Variants in DPYD observed in about 807,000 individuals in gnomAD.
The protein encoded by DPYD is dihydropyrimidine dehydrogenase [NADP(+)].
Under a neutral mutation model 116.2 loss-of-function variants are expected in DPYD, and 109 were observed. The observed-to-expected ratio is 0.94, with a 90% CI of 0.80 to 1.10. DPYD has a LOEUF of 1.10. Ranked by LOEUF, DPYD falls within the 50% of genes least tolerant of loss-of-function variation. The pLI, the probability that DPYD is intolerant of heterozygous loss-of-function variation, is 0.00. For synonymous variants in DPYD, 440 were observed against 432.0 expected, an observed-to-expected ratio of 1.02 and a Z score of -0.23; for missense variants, 1,302 against 1,254.5, an observed-to-expected ratio of 1.04 and a Z score of -0.57.
intron 8 of DPYD, among the ~76,000 whole-genome samples, chr1:97,636,238 CAAGTAATAATATCA>C (rs1188894972): frequency 4.6e-5 from 7 of 152,062 alleles, no homozygotes; most frequent in Non-Finnish European, 8.8e-5. Context: ...GTCAATCATC[CAAGTAATAATATCA>C]AAGTAATAAT....
At chr1:97,158,664 A>G (rs764883929) in intron 20 of DPYD, among the ~76,000 whole-genome samples, 22 of 152,150 alleles carry the variant, frequency 1.4e-4, no homozygotes, top group Middle Eastern at 3.4e-3. Flanking sequence ...GTTAAAATTC[A>G]GAGAGAAATT....
At chr1:97,484,209 T>G (rs941150470) in intron 13 of DPYD, among the ~76,000 whole-genome samples, 3 of 151,960 alleles carry the variant, frequency 2.0e-5, no homozygotes, top group African/African-American at 7.2e-5. Flanking sequence ...GGAGGCTAAG[T>G]AGGAGAATCG....
intron 8 of DPYD, among the ~76,000 whole-genome samples, chr1:97,667,353 T>C (rs1459298898): frequency 1.3e-5 from 2 of 152,134 alleles, no homozygotes; most frequent in Admixed American, 1.3e-4. Flanking sequence ...GTGAATGCCA[T>C]TTAATTTTTA....
At chr1:97,708,865 T>C (rs1311128605) in intron 5 of DPYD, among the ~76,000 whole-genome samples, 2 of 151,968 alleles carry the variant, frequency 1.3e-5, no homozygotes, top group Non-Finnish European at 2.9e-5. Context: ...TCATTAGATT[T>C]ATATCTAAGT....
intron 10 of DPYD, among the ~76,000 whole-genome samples, chr1:97,583,044 T>C (rs2485436): frequency 0.9 from 137,397 of 152,146 alleles, 63,220 homozygotes; most frequent in Non-Finnish European, 0.99. Flanking sequence ...TCTCCACTCA[T>C]TGCGAGCTCT....
intron 9 of DPYD, 73 bp from the exon 10 acceptor site, chr1:97,593,460 T>A: frequency 6.4e-7 from 1 of 1,564,238 alleles, no homozygotes; most frequent in Non-Finnish European, 8.8e-7. Flanking sequence ...AAGATACTTG[T>A]ACTCAAAGCA....
intron 6 of DPYD, among the ~76,000 whole-genome samples, chr1:97,693,438 TA>T (rs1488459935): frequency 1.3e-5 from 2 of 151,382 alleles, no homozygotes; most frequent in Non-Finnish European, 2.9e-5. Context: ...AGGGCAGGGA[TA>T]AAAATCTCTT....
At chr1:97,165,194 A>C (rs1656232685) in intron 20 of DPYD, among the ~76,000 whole-genome samples, 1 of 152,174 alleles carries the variant, frequency 6.6e-6, no homozygotes, top group African/African-American at 2.4e-5. Context: ...CAGGGGCTAC[A>C]GTAACCAAAA....
intron 5 of DPYD, among the ~76,000 whole-genome samples, chr1:97,703,235 C>T (rs1282676960): frequency 6.6e-6 from 1 of 151,826 alleles, no homozygotes; most frequent in Non-Finnish European, 1.5e-5. Context: ...ATAATTGAAC[C>T]ACATTTTTGT....
intron 8 of DPYD, among the ~76,000 whole-genome samples, chr1:97,640,604 C>T (rs577410920): frequency 2.6e-5 from 4 of 152,172 alleles, no homozygotes; most frequent in Admixed American, 6.5e-5. Flanking sequence ...CCACTGTGCC[C>T]GGCAATTTAT....
intron 19 of DPYD, among the ~76,000 whole-genome samples, chr1:97,197,040 C>T (rs1305830679): frequency 6.6e-6 from 1 of 151,978 alleles, no homozygotes; most frequent in Non-Finnish European, 1.5e-5. Flanking sequence ...AACAAAAACC[C>T]CTTCATTTTC....
chr1:97,493,569 G>T (rs1345577738), intron 13 of DPYD, among the ~76,000 whole-genome samples: 2 of 152,072 alleles, frequency 1.3e-5, no homozygotes, highest in Non-Finnish European at 2.9e-5. Flanking sequence ...TTTCATCCAA[G>T]AACTGGGAAT....
At position 97,192,887 on chromosome 1, in the gene DPYD, G is replaced by C. The variant is rs139359364; in HGVS notation, c.2622+182C>G. On this transcript the variant is annotated intron_variant, in intron 20 of 22. Transcript: ENST00000370192. Reference sequence around the variant, plus strand: ...TTGTGTTGTATTGGTTTATAAAAAGGTAACTCACAGACCCATCATATGGCT... The same window carrying C: ...TTGTGTTGTATTGGTTTATAAAAAGCTAACTCACAGACCCATCATATGGCT... 9.8e-4 allele frequency among the ~76,000 whole-genome samples: 149 copies of C among 152,240 alleles called. 1 individual carries two copies. The highest frequency in any genetic ancestry group is 3.4e-3 in the African/African-American group (142 of 41,540).
intron 1 of DPYD, among the ~76,000 whole-genome samples, chr1:97,900,635 C>A (rs1234042165): frequency 1.3e-5 from 2 of 151,892 alleles, no homozygotes; most frequent in Non-Finnish European, 2.9e-5. Context: ...AAAAGTAATT[C>A]ATTTTCATCT....
At chr1:97,393,087 T>C (rs1047681511) in intron 14 of DPYD, among the ~76,000 whole-genome samples, 1 of 152,048 alleles carries the variant, frequency 6.6e-6, no homozygotes, top group Non-Finnish European at 1.5e-5. Context: ...ATTTCTAATT[T>C]CCTTCAAAAA....
At chr1:97,898,751 C>T (rs542779357) in intron 1 of DPYD, among the ~76,000 whole-genome samples, 4 of 151,924 alleles carry the variant, frequency 2.6e-5, no homozygotes, top group African/African-American at 7.2e-5. Flanking sequence ...AGGGAGGTTT[C>T]CCCACACTGT....
intron 18 of DPYD, among the ~76,000 whole-genome samples, chr1:97,263,929 G>C (rs1395131133): frequency 9.9e-5 from 15 of 151,948 alleles, no homozygotes; most frequent in Admixed American, 9.2e-4. Context: ...TTCATTTGAT[G>C]ATCAAAATTT....
rs369559310 is a variant in DPYD, at chr1:97,799,296, A to C, written c.233+28818T>G. Among the ~76,000 whole-genome samples, 30 of 152,064 alleles carry C rather than the reference A, an allele frequency of 2.0e-4. 1 individual carries two copies. Among genetic ancestry groups the C allele is most frequent in the East Asian group, 1.4e-3 (7 of 5,170 alleles). On this transcript the variant is annotated intron_variant, in intron 3 of 22. Coordinates refer to ENST00000370192, the MANE Select transcript of DPYD (RefSeq NM_000110.4). The stretch of plus-strand genomic sequence containing the variant: ...CACATTACATCAAGTAAAAACAACA[A>C]GTTACCATGAAGTTTATTTATTGGA...
At chr1:97,877,599 C>T (rs1201505453) in intron 2 of DPYD, among the ~76,000 whole-genome samples, 2 of 151,934 alleles carry the variant, frequency 1.3e-5, no homozygotes, top group Non-Finnish European at 2.9e-5. Context: ...ATTTCAGAAA[C>T]TCAACTACTG....
Sources: gnomAD v4.1 joint callset for allele counts (sites outside exome capture counted in the v4.1 genomes callset) on GRCh38, gnomAD v4.1.1 for gene constraint, MANE v1.5 for transcripts, NCBI Gene and HGNC (gene_info 2026-07-23, HGNC 2026-07-21) for gene names.